Variants in TEX11 observed in about 807,000 individuals in gnomAD.
The protein encoded by TEX11 is testis expressed 11.
TEX11 carries 7 observed loss-of-function variants against 84.4 expected under a neutral mutation model. That is an observed-to-expected ratio of 0.08 (90% confidence interval 0.05 to 0.16). The LOEUF is 0.16. TEX11 is among the 10% of genes least tolerant of loss of function. The probability of loss-of-function intolerance (pLI) is 1.00; values close to 1 mark genes in which losing one functional copy is unlikely to be tolerated. For synonymous variants in TEX11, 264 were observed against 222.8 expected, an observed-to-expected ratio of 1.18 and a Z score of -1.64; for missense variants, 551 against 660.5, an observed-to-expected ratio of 0.83 and a Z score of 1.82.
intron 9 of TEX11, among the ~76,000 whole-genome samples, chrX:70,777,046 TA>T (rs1172823586): frequency 1.7e-4 from 18 of 107,257 alleles, no homozygotes; most frequent in African/African-American, 3.7e-4. Context: ...TTATTATTAT[TA>T]TTTTTTTTTT....
chrX:70,662,756 A>G (rs1411116887), intron 16 of TEX11, among the ~76,000 whole-genome samples: 1 of 111,602 alleles, frequency 9.0e-6, no homozygotes, highest in Non-Finnish European at 1.9e-5. Flanking sequence ...TAAAGTACAT[A>G]CCGTGTAATT....
chrX:70,905,930 G>A lies in TEX11; in HGVS notation c.37+1823C>T, dbSNP rs182208090. On this transcript the variant is annotated intron_variant, in intron 2 of 29. Coordinates refer to ENST00000374333, the MANE Select transcript of TEX11 (RefSeq NM_031276.3). ...TAGCCGGGCATGGTGGCACGTGCCT[G>A]TAATCCCAGCTACTCGAGAGGCTGA... Among the ~76,000 whole-genome samples, 558 of 101,954 alleles carry A rather than the reference G, an allele frequency of 5.5e-3. 4 individuals carry two copies. Among genetic ancestry groups the A allele is most frequent in the African/African-American group, 0.019 (542 of 28,162 alleles). 88.5% of individuals were successfully genotyped at this position (101,954 alleles called of 115,157 possible).
At chrX:70,647,651 G>GA (rs2089758199) in intron 17 of TEX11, among the ~76,000 whole-genome samples, 1 of 97,210 alleles carries the variant, frequency 1.0e-5, no homozygotes, top group Non-Finnish European at 2.1e-5. Flanking sequence ...GGGTGACAGA[G>GA]TAAGACCTTG....
rs866020336 is a variant in TEX11 at position 70,817,250 on chromosome X, T to C, written c.607-10460A>G. On this transcript the variant is annotated intron_variant, in intron 8 of 29. Transcript: ENST00000374333. Reference sequence around the variant, plus strand: ...ACACATACACACACACACACATATATATATACACACACACACACACACACA... The same window carrying C: ...ACACATACACACACACACACATATACATATACACACACACACACACACACA... Among the ~76,000 whole-genome samples the C allele has an allele frequency of 4.2e-3, 384 of 91,413 alleles. 3 individuals are homozygous for C. The highest frequency in any genetic ancestry group is 0.031 in the East Asian group (82 of 2,623). 79.4% of individuals were successfully genotyped at this position (91,413 alleles called of 115,157 possible). A position where few individuals can be genotyped will look rare whatever the true frequency, so the allele number is the denominator to read the frequency against.
At chrX:70,738,680 C>T (rs1317605816) in intron 11 of TEX11, among the ~76,000 whole-genome samples, 1 of 112,010 alleles carries the variant, frequency 8.9e-6, no homozygotes, top group Non-Finnish European at 1.9e-5. Context: ...TTTACAATAG[C>T]AAGGACTTGG....
chrX:70,740,862 T>C, intron 10 of TEX11, 66 bp from the exon 11 acceptor site: 2 of 681,252 alleles, frequency 2.9e-6, no homozygotes, highest in Non-Finnish European at 4.3e-6. Flanking sequence ...AACAGCTGAC[T>C]AGCACTCCCA....
chrX:70,600,679 A>C (rs1346402288), intron 24 of TEX11, among the ~76,000 whole-genome samples: 1 of 96,120 alleles, frequency 1.0e-5, no homozygotes, highest in Non-Finnish European at 2.1e-5. Context: ...CTCAGACCAC[A>C]GTGCAATCAA....
At chrX:70,898,837 C>T (rs2091787702) in intron 2 of TEX11, among the ~76,000 whole-genome samples, 1 of 111,184 alleles carries the variant, frequency 9.0e-6, no homozygotes, top group Non-Finnish European at 1.9e-5. Context: ...GATCTCCTGA[C>T]CTCATGATCC....
chrX:70,734,905 C>T (rs1015539220), intron 11 of TEX11, among the ~76,000 whole-genome samples: 5 of 111,985 alleles, frequency 4.5e-5, no homozygotes, highest in Non-Finnish European at 9.4e-5. Context: ...ATACTGAAAG[C>T]TCTCTAAGAT....
intron 7 of TEX11, among the ~76,000 whole-genome samples, chrX:70,838,519 C>T (rs1036893182): frequency 4.5e-5 from 5 of 111,521 alleles, no homozygotes; most frequent in East Asian, 2.8e-4. Context: ...CCAAGATGGC[C>T]GAATAGGAAC....
At chrX:70,582,788 C>T (rs980746011) in intron 25 of TEX11, among the ~76,000 whole-genome samples, 2 of 107,336 alleles carry the variant, frequency 1.9e-5, no homozygotes, top group Non-Finnish European at 3.8e-5. Flanking sequence ...CTCTGTCTCC[C>T]AGGCTGGAGT....
At chrX:70,575,141 G>T (rs1033306111) in intron 25 of TEX11, among the ~76,000 whole-genome samples, 9 of 111,411 alleles carry the variant, frequency 8.1e-5, no homozygotes, top group Non-Finnish European at 1.7e-4. Context: ...AAATACTCTG[G>T]CTGCTGTGTG....
At chrX:70,537,285 CA>C (rs1005772213) in intron 28 of TEX11, among the ~76,000 whole-genome samples, 6 of 110,760 alleles carry the variant, frequency 5.4e-5, no homozygotes, top group African/African-American at 1.3e-4. Flanking sequence ...TTGAGTTTGC[CA>C]AAAAGTTGAC....
At chrX:70,538,366 GAGCC>G (rs1230152236) in intron 28 of TEX11, among the ~76,000 whole-genome samples, 1 of 111,434 alleles carries the variant, frequency 9.0e-6, no homozygotes, top group African/African-American at 3.3e-5. Flanking sequence ...AGAGAAGAAA[GAGCC>G]AGAGACCAAT....
chrX:70,530,085 A>G, intron 28 of TEX11, 86 bp from the exon 29 acceptor site: 1 of 838,844 alleles, frequency 1.2e-6, no homozygotes, highest in South Asian at 2.4e-5. Context: ...TCCCTTTATT[A>G]CTAAACAAAC....
chrX:70,703,345 A>T (rs992976032), intron 13 of TEX11, among the ~76,000 whole-genome samples: 1 of 111,839 alleles, frequency 8.9e-6, no homozygotes, highest in Non-Finnish European at 1.9e-5. Flanking sequence ...ATCTCATGTT[A>T]CATATAAGAA....
At chrX:70,845,004 G>C (rs1335623134) in intron 7 of TEX11, among the ~76,000 whole-genome samples, 9 of 111,034 alleles carry the variant, frequency 8.1e-5, no homozygotes, top group African/African-American at 2.6e-4. Flanking sequence ...TAAAATTTCA[G>C]TTTTTACCTA....
intron 16 of TEX11, among the ~76,000 whole-genome samples, chrX:70,652,677 G>A (rs2089823517): frequency 9.0e-6 from 1 of 111,433 alleles, no homozygotes; most frequent in Admixed American, 9.6e-5. Context: ...TGTGACCTTG[G>A]GGATCTGAAA....
intron 8 of TEX11, among the ~76,000 whole-genome samples, 158 bp downstream of exon 8, chrX:70,833,355 G>A (rs1262900164): frequency 3.6e-5 from 4 of 111,465 alleles, no homozygotes; most frequent in Middle Eastern, 4.7e-3. Flanking sequence ...GCCCTTTCTG[G>A]TAAAGAACAA....
Sources: gnomAD v4.1 joint callset for allele counts (sites outside exome capture counted in the v4.1 genomes callset) on GRCh38, gnomAD v4.1.1 for gene constraint, MANE v1.5 for transcripts, NCBI Gene and HGNC (gene_info 2026-07-23, HGNC 2026-07-21) for gene names.